The following TJP1 variants were observed in gnomAD, a reference collection of about 807,000 sequenced individuals.
TJP1 encodes tight junction protein 1.
In TJP1, 43 loss-of-function variants were observed where a neutral mutation model predicts 194.2. The ratio of observed to expected loss-of-function variants is 0.22; its 90% CI spans 0.17 to 0.29. The LOEUF is 0.29. Ranked by LOEUF, TJP1 falls within the 10% of genes least tolerant of loss-of-function variation. The pLI is 1.00. For synonymous variants in TJP1, 801 were observed against 779.0 expected, an observed-to-expected ratio of 1.03 and a Z score of -0.47; for missense variants, 1,971 against 2,185.7, an observed-to-expected ratio of 0.90 and a Z score of 1.96.
chr15:29,822,019 T>A lies in TJP1; in HGVS notation c.10A>T (p.Arg4Ter). The A allele has an allele frequency of 7.4e-7, 1 of 1,354,160 alleles. No homozygotes were observed. 83.9% of individuals were successfully genotyped at this position (1,354,160 alleles called of 1,614,324 possible). MSA[R>*]AAAAKSTAME... Reference sequence around the variant, plus strand: ...GCGCTCACCTTGGCGGCCGCAGCTCTGGCGGACATCTTGTCTCTCTCCAGC... The same window carrying A: ...GCGCTCACCTTGGCGGCCGCAGCTCAGGCGGACATCTTGTCTCTCTCCAGC... Residue 4 changes from arginine (R) to a stop codon, truncating the protein, a stop_gained, in exon 1 of 28, where the codon AGA (arginine) becomes TGA (stop). Transcript: ENST00000614355. LOFTEE classifies it high-confidence loss of function.
intron 1 of TJP1, 26 bp downstream of exon 1, chr15:29,821,976 G>A (rs1002760934): frequency 5.4e-6 from 7 of 1,294,718 alleles, no homozygotes; most frequent in African/African-American, 4.6e-5. Flanking sequence ...GCCCGGTCTG[G>A]CCCTGGCGGC....
chr15:29,799,417 T>TC (rs2048631170), intron 2 of TJP1, among the ~76,000 whole-genome samples: 1 of 136,664 alleles, frequency 7.3e-6, no homozygotes, highest in East Asian at 2.0e-4. Flanking sequence ...GAAAAAAAAA[T>TC]TTTTTTTTTT....
intron 23 of TJP1, among the ~76,000 whole-genome samples, chr15:29,712,809 T>TAAAA (rs746405153): frequency 3.7e-5 from 4 of 108,298 alleles, no homozygotes; most frequent in African/African-American, 1.1e-4. Flanking sequence ...CATGTCCCAT[T>TAAAA]AAAAAAAAAA....
intron 2 of TJP1, among the ~76,000 whole-genome samples, chr15:29,843,810 G>A (rs542214913): frequency 6.2e-4 from 95 of 152,302 alleles, no homozygotes; most frequent in Non-Finnish European, 1.1e-3. Context: ...TGTGGTCTGC[G>A]TGCTCCCAGT....
chr15:29,949,108 T>C lies in TJP1; in HGVS notation c.306+7124A>G, dbSNP rs201906079. The stretch of plus-strand genomic sequence containing the variant: ...ACTCCTTCACCACCACCTCCACCAC[T>C]TCCACCTCTACAACCACCACCTCCA... On this transcript the variant is annotated intron_variant, in intron 2 of 28. Coordinates refer to the TJP1 transcript ENST00000356107. Among the ~76,000 whole-genome samples the C allele has an allele frequency of 7.2e-3, 573 of 79,116 alleles. 11 individuals carry two copies. In the South Asian group the frequency reaches 0.14, roughly 20 times the overall value. 51.9% of individuals were successfully genotyped at this position (79,116 alleles called of 152,430 possible).
At chr15:29,940,646 G>A (rs552015599) in intron 2 of TJP1, among the ~76,000 whole-genome samples, 3 of 152,192 alleles carry the variant, frequency 2.0e-5, no homozygotes, top group South Asian at 4.1e-4. Context: ...CATAACAAAC[G>A]TGGTGATCAA....
intron 2 of TJP1, among the ~76,000 whole-genome samples, chr15:29,937,726 C>T (rs897040195): frequency 2.0e-4 from 31 of 152,180 alleles, no homozygotes; most frequent in Admixed American, 1.5e-3. Flanking sequence ...GGCAGCAGCG[C>T]GACCCTCCAG....
At chr15:29,860,632 GTATGGATATAC>G (rs1469322008) in intron 2 of TJP1, among the ~76,000 whole-genome samples, 1 of 152,142 alleles carries the variant, frequency 6.6e-6, no homozygotes, top group Non-Finnish European at 1.5e-5. Flanking sequence ...GTGAACAATA[GTATGGATATAC>G]TATGGATATA....
intron 2 of TJP1, among the ~76,000 whole-genome samples, chr15:29,787,943 C>T (rs1391166938): frequency 2.0e-5 from 3 of 152,172 alleles, no homozygotes; most frequent in Non-Finnish European, 4.4e-5. Flanking sequence ...CAGCAATGTA[C>T]AAAGGTTTTA....
At chr15:29,737,561 T>A in intron 10 of TJP1, 147 bp from the exon 11 acceptor site, 1 of 858,708 alleles carries the variant, frequency 1.2e-6, no homozygotes, top group Non-Finnish European at 1.7e-6. Context: ...AAATAAAATT[T>A]AGTGTTAGAA....
rs2044404129 is a variant in TJP1 at position 29,741,362 on chromosome 15, G to A, written c.1225C>T (p.Pro409Ser). 6.3e-7 allele frequency: 1 copy of A among 1,597,422 alleles called. No individual in the cohort carries two copies. The highest frequency in any genetic ancestry group is 1.4e-5 in the African/African-American group (1 of 73,618). Residue 409 changes from proline (P) to serine (S), a missense_variant, in exon 10 of 28, where the codon CCT becomes TCT. Physicochemically the swap from Pro to Ser is moderately conservative, Grantham distance 74. Coordinates refer to ENST00000614355, the MANE Select transcript of TJP1 (RefSeq NM_001330239.4). ...LPVSPSDGVLPNSTHEDGILR... is the reference protein window; with the variant it reads ...LPVSPSDGVLSNSTHEDGILR... ...ATCCCATCTTCATGAGTTGAATTAGGTAGGACACCATCAGATGGACTGACA... is the reference window on the plus strand; with the variant it reads ...ATCCCATCTTCATGAGTTGAATTAGATAGGACACCATCAGATGGACTGACA...
chr15:29,835,641 C>A (rs2051000503), intron 2 of TJP1, among the ~76,000 whole-genome samples: 1 of 105,334 alleles, frequency 9.5e-6, no homozygotes, highest in Non-Finnish European at 2.0e-5. Context: ...CAGGGCGAGA[C>A]CCTAGCTGCA....
intron 1 of TJP1, among the ~76,000 whole-genome samples, chr15:29,818,568 G>A (rs113800651): frequency 1.2e-3 from 181 of 151,922 alleles, no homozygotes; most frequent in Middle Eastern, 3.5e-3. Flanking sequence ...GCAGTGGTGC[G>A]ATCTTGGCTC....
At position 29,709,133 on chromosome 15, in the gene TJP1, A is replaced by G. The variant is rs1323652582; in HGVS notation, c.4373-97T>C. ...GTCCTGGTGCTGGAGTCGAGGCCCAAATGTGGGTCGCACAGCCAGAGCCTG... is the reference window on the plus strand; with the variant it reads ...GTCCTGGTGCTGGAGTCGAGGCCCAGATGTGGGTCGCACAGCCAGAGCCTG... On this transcript the variant is annotated intron_variant, in intron 24 of 27. Coordinates refer to ENST00000614355, the MANE Select transcript of TJP1 (RefSeq NM_001330239.4). 6 of 1,190,488 alleles carry G rather than the reference A, an allele frequency of 5.0e-6. No homozygotes were observed. In the Admixed American group the frequency reaches 1.4e-4, roughly 27 times the overall value. 73.7% of individuals were successfully genotyped at this position (1,190,488 alleles called of 1,614,324 possible). A position where few individuals can be genotyped will look rare whatever the true frequency, so the allele number is the denominator to read the frequency against.
chr15:29,782,471 C>T (rs2047425397), intron 2 of TJP1, among the ~76,000 whole-genome samples: 1 of 152,144 alleles, frequency 6.6e-6, no homozygotes, highest in East Asian at 1.9e-4. Context: ...ATAAATGGTG[C>T]TGGGATAACT....
rs1012779878 is a variant in TJP1 at position 29,863,255 on chromosome 15, C to T, written c.307-62553G>A. ...ATGTTGCAGTGAGCCCAGACCGTGC[C>T]GCTGCACTCCAGCCTGGGCGACAAA... On this transcript the variant is annotated intron_variant, in intron 2 of 28. Transcript: ENST00000356107. Among the ~76,000 whole-genome samples, 12 of 151,922 alleles carry T rather than the reference C, an allele frequency of 7.9e-5. No homozygotes were observed. In the East Asian group the frequency reaches 1.8e-3, roughly 23 times the overall value.
intron 2 of TJP1, among the ~76,000 whole-genome samples, chr15:29,777,465 C>T (rs1295012584): frequency 1.3e-5 from 2 of 151,950 alleles, no homozygotes; most frequent in African/African-American, 4.8e-5. Context: ...TTAAGAACTA[C>T]TTAAACATGA....
At chr15:29,900,086 T>C (rs1418197138) in intron 2 of TJP1, among the ~76,000 whole-genome samples, 2 of 151,850 alleles carry the variant, frequency 1.3e-5, no homozygotes, top group East Asian at 3.9e-4. Flanking sequence ...GCAAATGTGA[T>C]CTTACAGGGG....
At chr15:29,727,699 T>C (rs531969930) in intron 16 of TJP1, among the ~76,000 whole-genome samples, 142 of 152,336 alleles carry the variant, frequency 9.3e-4, no homozygotes, top group African/African-American at 3.3e-3. Flanking sequence ...AGCAGTCTGT[T>C]AATTACATCT....
Sources: gnomAD v4.1 joint callset for allele counts (sites outside exome capture counted in the v4.1 genomes callset) on GRCh38, gnomAD v4.1.1 for gene constraint, MANE v1.5 for transcripts, NCBI Gene and HGNC (gene_info 2026-07-23, HGNC 2026-07-21) for gene names.